The following MARK1 variants were observed in gnomAD, a reference collection of about 807,000 sequenced individuals.
MARK1 encodes the protein serine/threonine-protein kinase MARK1.
In MARK1, 40 loss-of-function variants were observed where a neutral mutation model predicts 96.3. The observed-to-expected ratio is 0.42, with a 90% CI of 0.32 to 0.54. The LOEUF (loss-of-function observed/expected upper bound fraction) is 0.54, where lower values mean the gene tolerates loss of function less well. Among genes scored for constraint, MARK1 ranks in the 20% least tolerant of loss-of-function variants. MARK1 has a pLI of 0.16. For missense variants in MARK1, 719 were observed against 984.6 expected (o/e 0.73, Z 3.61); for synonymous variants, 317 against 341.2 (o/e 0.93, Z 0.78).
chr1:220,549,842 C>T (rs558535604), intron 1 of MARK1, among the ~76,000 whole-genome samples: 30 of 152,306 alleles, frequency 2.0e-4, no homozygotes, highest in Admixed American at 1.3e-4. Context: ...AGATAATACA[C>T]ACCTGGTTGG....
intron 9 of MARK1, among the ~76,000 whole-genome samples, chr1:220,620,659 G>A (rs1337184518): frequency 6.6e-6 from 1 of 152,130 alleles, no homozygotes; most frequent in East Asian, 1.9e-4. Flanking sequence ...TAAAATATTA[G>A]AGTGCTTTGA....
rs779247133 is a variant in MARK1 at position 220,652,063 on chromosome 1, G to C, written c.1649G>C (p.Arg550Pro). Residue 550 changes from arginine to proline, a missense_variant, in exon 15 of 18, where the codon CGC becomes CCC. By Grantham distance (103) the Arg-to-Pro change is moderately radical (BLOSUM62 -2). Transcript: ENST00000366917. ...VASAVPSARP[R>P]HQKSMSTSGH... is the part of the protein sequence containing the mutation. The stretch of plus-strand genomic sequence containing the variant: ...TCTGCTGTCCCCTCAGCACGACCCC[G>C]CCACCAGAAGTCCATGTCCACTTCT... The C allele has an allele frequency of 1.1e-5, 18 of 1,613,278 alleles. No homozygotes were observed. Among genetic ancestry groups the C allele is most frequent in the Non-Finnish European group, 1.4e-5 (16 of 1,179,552 alleles).
intron 17 of MARK1, among the ~76,000 whole-genome samples, chr1:220,661,233 G>A (rs1227655508): frequency 6.6e-6 from 1 of 152,146 alleles, no homozygotes; most frequent in African/African-American, 2.4e-5. Context: ...AAGTCATGGG[G>A]AACGTTGTAG....
At chr1:220,589,715 G>A (rs1664859143) in intron 3 of MARK1, among the ~76,000 whole-genome samples, 1 of 152,092 alleles carries the variant, frequency 6.6e-6, no homozygotes, top group Non-Finnish European at 1.5e-5. Context: ...AATTTGAAGG[G>A]GAATAGTAAA....
intron 2 of MARK1, among the ~76,000 whole-genome samples, chr1:220,580,158 T>G (rs1664138072): frequency 6.6e-6 from 1 of 152,056 alleles, no homozygotes; most frequent in Non-Finnish European, 1.5e-5. Flanking sequence ...TATATAACGT[T>G]TACTAGATCT....
chr1:220,581,066 T>A lies in MARK1; in HGVS notation c.257T>A (p.Val86Asp). The A allele has an allele frequency of 7.8e-7, 1 of 1,275,628 alleles. No homozygotes were observed. The highest frequency in any genetic ancestry group is 2.7e-5 in the East Asian group (1 of 37,520). 79.0% of individuals were successfully genotyped at this position (1,275,628 alleles called of 1,614,324 possible). A position where few individuals can be genotyped will look rare whatever the true frequency, so the allele number is the denominator to read the frequency against. Residue 86 changes from valine (V) to aspartate (D), a missense_variant and splice_region_variant, in exon 3 of 18, where the codon GTT becomes GAT. Val to Asp is a radical substitution (Grantham distance 152). This residue lies in a region of MARK1 where 105 missense variants were observed against 133.4 expected (regional missense o/e 0.79). Transcript: ENST00000366917. ...AGTTTAATGATTCTTCTTTTTTAGG[T>A]TGCTGTGAAAATAATAGACAAAACT... ...LARHVLTGREVAVKIIDKTQL... is the reference protein window; with the variant it reads ...LARHVLTGREDAVKIIDKTQL...
At chr1:220,626,272 G>A (rs971113217) in intron 9 of MARK1, 8 of 530,476 alleles carry the variant, frequency 1.5e-5, no homozygotes, top group East Asian at 4.7e-5. Flanking sequence ...TATTCACCAC[G>A]GCGATGGGAT....
chr1:220,566,724 A>G (rs1313708085), intron 1 of MARK1, among the ~76,000 whole-genome samples: 1 of 152,214 alleles, frequency 6.6e-6, no homozygotes. Flanking sequence ...AAATTCAGGC[A>G]TAATCTACTA....
At chr1:220,640,863 T>C (rs1205367723) in intron 13 of MARK1, among the ~76,000 whole-genome samples, 1 of 152,200 alleles carries the variant, frequency 6.6e-6, no homozygotes, top group African/African-American at 2.4e-5. Context: ...TCACCTCTTA[T>C]CAGCCACACC....
intron 14 of MARK1, 91 bp from the exon 15 acceptor site, chr1:220,651,895 T>C (rs1668897703): frequency 9.8e-7 from 1 of 1,017,720 alleles, no homozygotes; most frequent in Admixed American, 2.5e-5. Context: ...TTAGTCAGTT[T>C]AGATTTTTTA....
In MARK1 at chr1:220,618,354, T is replaced by C. The variant is rs1199275156; in HGVS notation, c.597T>C (p.Ala199=). The C allele has an allele frequency of 6.2e-7, 1 of 1,613,952 alleles. No individual in the cohort carries two copies. The highest frequency in any genetic ancestry group is 8.5e-7 in the Non-Finnish European group (1 of 1,179,920). Residue 199 remains alanine, a synonymous_variant, in exon 8 of 18, where the codon GCT becomes GCC. Transcript: ENST00000366917. The surrounding 1 kb of genome is among the most constrained non-coding windows in gnomAD (Gnocchi z 4.6). ...LLDGDMNIKI[A]DFGFSNEFTV... ...ATGGTGATATGAATATTAAAATTGC[T>C]GACTTTGGTTTTAGTAATGAATTTA...
At chr1:220,596,649 G>A (rs770330272) in intron 3 of MARK1, among the ~76,000 whole-genome samples, 33 of 152,206 alleles carry the variant, frequency 2.2e-4, no homozygotes, top group Non-Finnish European at 2.9e-4. Context: ...TTTAATTGGG[G>A]TGAACATTTA....
chr1:220,570,421 T>C (rs1408992360), intron 1 of MARK1, among the ~76,000 whole-genome samples: 1 of 152,154 alleles, frequency 6.6e-6, no homozygotes, highest in Non-Finnish European at 1.5e-5. Flanking sequence ...CAAATAAATC[T>C]TTTCCATGTA....
Position 220,618,834 on chromosome 1 carries a change from GTTTT to G in MARK1, c.909+80_909+83del. 1.6e-6 allele frequency: 2 copies of G among 1,285,218 alleles called. No homozygotes were observed. Among genetic ancestry groups the G allele is most frequent in the Non-Finnish European group, 2.1e-6 (2 of 954,234 alleles). The allele number at this position is 1,285,218 out of a possible 1,614,324, so 79.6% of individuals were successfully genotyped here. A position where few individuals can be genotyped will look rare whatever the true frequency, so the allele number is the denominator to read the frequency against. ...GAACCGAAGAGCATTTTTCTCCTAT[GTTTT>G]CTTAGGAAAATTGCCAAATTATCTA... On this transcript the variant is annotated intron_variant, in intron 9 of 17. Coordinates refer to ENST00000366917, the MANE Select transcript of MARK1 (RefSeq NM_018650.5). This position sits in a 1 kb window ranked among gnomAD's most constrained non-coding sequence, Gnocchi z 4.6.
intron 1 of MARK1, among the ~76,000 whole-genome samples, chr1:220,567,334 A>G (rs1483171725): frequency 1.3e-5 from 2 of 152,070 alleles, no homozygotes; most frequent in Non-Finnish European, 2.9e-5. Flanking sequence ...TATGTGTGGG[A>G]ATTTATTTGT....
chr1:220,648,238 A>G (rs1029402552), intron 13 of MARK1, among the ~76,000 whole-genome samples: 1 of 152,206 alleles, frequency 6.6e-6, no homozygotes, highest in Non-Finnish European at 1.5e-5. Flanking sequence ...AGTTGTTTAC[A>G]TGGTTGGTTT....
intron 16 of MARK1, among the ~76,000 whole-genome samples, chr1:220,655,547 A>G (rs1172465641): frequency 6.6e-6 from 1 of 150,748 alleles, no homozygotes; most frequent in East Asian, 1.9e-4. Context: ...GTTATCCTTG[A>G]CACTTCTTTT....
At position 220,528,491 on chromosome 1, in the gene MARK1, G is replaced by A; in HGVS notation, c.-332G>A. 1 of 376,194 alleles carries A rather than the reference G, an allele frequency of 2.7e-6. No homozygotes were observed. The highest frequency in any genetic ancestry group is 4.8e-6 in the Non-Finnish European group (1 of 209,070). The allele number at this position is 376,194 out of a possible 1,614,324, so 23.3% of individuals were successfully genotyped here. A position where few individuals can be genotyped will look rare whatever the true frequency, so the allele number is the denominator to read the frequency against. ...CCCATGGTCCGGAGAGCCTAGCGGG[G>A]CTCGCCACCGCCTCCCGGCTCCCCT... On this transcript the variant is annotated 5_prime_UTR_variant, in exon 1 of 18. Coordinates refer to ENST00000366917, the MANE Select transcript of MARK1 (RefSeq NM_018650.5).
intron 13 of MARK1, among the ~76,000 whole-genome samples, 199 bp downstream of exon 13, chr1:220,636,225 A>G (rs1667958821): frequency 6.6e-6 from 1 of 152,192 alleles, no homozygotes; most frequent in Admixed American, 6.5e-5. Context: ...GCATGCGTTA[A>G]CACTTAACCT....
Sources: allele counts gnomAD v4.1 joint callset (sites outside exome capture counted in the v4.1 genomes callset), GRCh38; gene constraint gnomAD v4.1.1; regional missense constraint gnomAD v4.1.1; non-coding constraint Gnocchi (gnomAD v3.1); transcripts MANE v1.5; gene names NCBI Gene and HGNC (gene_info 2026-07-23, HGNC 2026-07-21).